The following DNAH6 variants were observed in gnomAD, a reference collection of about 807,000 sequenced individuals.
DNAH6 encodes the protein axonemal beta dynein heavy chain 6.
In DNAH6, 340 loss-of-function variants were observed where a neutral mutation model predicts 491.4. The ratio of observed to expected loss-of-function variants is 0.69; its 90% CI spans 0.63 to 0.76. The LOEUF (loss-of-function observed/expected upper bound fraction) is 0.76. Ranked by LOEUF, DNAH6 falls within the 30% of genes least tolerant of loss-of-function variation. The probability of loss-of-function intolerance (pLI) is 0.00; values close to 1 mark genes in which losing one functional copy is unlikely to be tolerated. For synonymous variants in DNAH6, 1,603 were observed against 1,686.1 expected, an observed-to-expected ratio of 0.95 and a Z score of 1.21; for missense variants, 4,443 against 4,972.2, an observed-to-expected ratio of 0.89 and a Z score of 3.20.
intron 2 of DNAH6, among the ~76,000 whole-genome samples, chr2:84,519,722 C>A (rs1170431993): frequency 1.3e-5 from 2 of 150,790 alleles, no homozygotes; most frequent in African/African-American, 2.4e-5. Context: ...TACTCTTCTT[C>A]TTTTACATTT....
chr2:84,503,706 A>G, the DNAH6 span, among the ~76,000 whole-genome samples: 2 of 149,780 alleles, frequency 1.3e-5, no homozygotes, highest in African/African-American at 2.5e-5. Context: ...TTTCTTCAAC[A>G]CTTTAAATGT....
chr2:84,609,045 C>A (rs1686051695), intron 21 of DNAH6, among the ~76,000 whole-genome samples: 1 of 152,186 alleles, frequency 6.6e-6, no homozygotes, highest in African/African-American at 2.4e-5. Flanking sequence ...CCTCTGCTAC[C>A]TTCAAACTTT....
intron 68 of DNAH6, among the ~76,000 whole-genome samples, chr2:84,791,028 A>G (rs1677681486): frequency 6.6e-6 from 1 of 152,042 alleles, no homozygotes. Flanking sequence ...TGTCTCTACT[A>G]AAAATACAAA....
intron 4 of DNAH6, among the ~76,000 whole-genome samples, chr2:84,536,813 C>A (rs1299962456): frequency 4.6e-5 from 7 of 151,962 alleles, no homozygotes; most frequent in Admixed American, 6.6e-5. Context: ...CATGATGTAG[C>A]TACTTCAAAA....
At chr2:84,511,123 C>T in the DNAH6 span, among the ~76,000 whole-genome samples, 1 of 152,226 alleles carries the variant, frequency 6.6e-6, no homozygotes, top group African/African-American at 2.4e-5. Flanking sequence ...ACATTTAAGT[C>T]TGCAGAGGAT....
chr2:84,755,897 G>A (rs1444467215), intron 63 of DNAH6, among the ~76,000 whole-genome samples: 2 of 152,092 alleles, frequency 1.3e-5, no homozygotes. Flanking sequence ...AATCTTTCCC[G>A]TGCTGTTCTC....
chr2:84,495,321 C>T, the DNAH6 span, among the ~76,000 whole-genome samples: 1 of 152,304 alleles, frequency 6.6e-6, no homozygotes, highest in South Asian at 2.1e-4. Context: ...CACCACCATG[C>T]CCTGCTAATT....
chr2:84,796,495 C>T, intron 69 of DNAH6, 70 bp downstream of exon 69: 1 of 1,313,466 alleles, frequency 7.6e-7, no homozygotes, highest in Non-Finnish European at 1.0e-6. Context: ...CTCAGTTTCC[C>T]ACCCAGGGGC....
chr2:84,671,875 A>C (rs1300946840), intron 39 of DNAH6, among the ~76,000 whole-genome samples: 1 of 152,226 alleles, frequency 6.6e-6, no homozygotes, highest in Non-Finnish European at 1.5e-5. Flanking sequence ...TGATGTGATC[A>C]GGATGCTTTT....
In DNAH6 at chr2:84,706,943, A is replaced by G; in HGVS notation, c.8775A>G (p.Leu2925=). The change falls in exon 53 of 77, where the codon TTA becomes TTG. Residue 2925 remains leucine, a synonymous_variant. Coordinates refer to ENST00000389394, the MANE Select transcript of DNAH6 (RefSeq NM_001370.2). ...CTACCCTGAGAGAAAAGCAAGCATT[A>G]CTAAGACAAGTAGAAGATCAAATAC... is the stretch of plus-strand genomic sequence containing the variant. ...TMATLREKQA[L]LRQVEDQIQA... 6.5e-7 allele frequency: 1 copy of G among 1,544,852 alleles called. No homozygotes were observed. Among genetic ancestry groups the G allele is most frequent in the Non-Finnish European group, 8.7e-7 (1 of 1,145,774 alleles).
intron 11 of DNAH6, among the ~76,000 whole-genome samples, chr2:84,567,624 T>C (rs1304235067): frequency 6.6e-6 from 1 of 152,166 alleles, no homozygotes; most frequent in African/African-American, 2.4e-5. Flanking sequence ...GACCCCTTCC[T>C]TACACCTTAT....
rs879042411 is a variant in DNAH6 at position 84,745,135 on chromosome 2, A to G, written c.10398A>G (p.Lys3466=). Residue 3466 remains lysine (K), a synonymous_variant, in exon 63 of 77, where the codon AAA becomes AAG. Coordinates refer to ENST00000389394, the MANE Select transcript of DNAH6 (RefSeq NM_001370.2). ...AATGGGAAGGCTATTCTAAAATGAA[A>G]CACGAAGATAAACACATGAGACAGG... is the stretch of plus-strand genomic sequence containing the variant. ...PQKWEGYSKM[K]HEDKHMRQEK... 1 of 1,547,420 alleles carries G rather than the reference A, an allele frequency of 6.5e-7. No individual in the cohort carries two copies. Among genetic ancestry groups the G allele is most frequent in the South Asian group, 1.2e-5 (1 of 83,262 alleles).
At chr2:84,460,561 G>A in the DNAH6 span, among the ~76,000 whole-genome samples, 2 of 152,190 alleles carry the variant, frequency 1.3e-5, no homozygotes, top group Non-Finnish European at 2.9e-5. Context: ...ATGAAAATTT[G>A]TATTTCCATG....
chr2:84,493,265 C>T, the DNAH6 span, among the ~76,000 whole-genome samples: 1 of 151,904 alleles, frequency 6.6e-6, no homozygotes, highest in Non-Finnish European at 1.5e-5. Context: ...AGACTATATA[C>T]CATATGTATA....
chr2:84,688,851 G>C (rs1439563457), intron 45 of DNAH6, among the ~76,000 whole-genome samples: 6 of 152,118 alleles, frequency 3.9e-5, no homozygotes, highest in African/African-American at 1.4e-4. Context: ...GTTCTGTCTT[G>C]TTACAAAAAG....
chr2:84,525,539 T>C, intron 2 of DNAH6, 26 bp from the exon 3 acceptor site: 1 of 1,523,770 alleles, frequency 6.6e-7, no homozygotes, highest in Non-Finnish European at 8.8e-7. Context: ...TTAATAAAAA[T>C]TAACATGTCT....
intron 31 of DNAH6, among the ~76,000 whole-genome samples, chr2:84,639,835 A>G (rs1388332116): frequency 6.6e-6 from 1 of 152,206 alleles, no homozygotes; most frequent in Non-Finnish European, 1.5e-5. Flanking sequence ...TAAATTCTGC[A>G]TCTGAGGCCA....
intron 59 of DNAH6, 138 bp downstream of exon 59, chr2:84,718,522 T>C: frequency 1.7e-6 from 1 of 594,008 alleles, no homozygotes; most frequent in Non-Finnish European, 2.6e-6. Context: ...GACGGGTGCC[T>C]GCCTGTCAGG....
intron 42 of DNAH6, among the ~76,000 whole-genome samples, chr2:84,683,427 T>TTTA (rs1553465692): frequency 1.4e-5 from 2 of 146,898 alleles, no homozygotes; most frequent in African/African-American, 2.5e-5. Context: ...TTTTTTTTTT[T>TTTA]TTTTTTTTTT....
Sources: gnomAD v4.1 joint callset for allele counts (sites outside exome capture counted in the v4.1 genomes callset) on GRCh38, gnomAD v4.1.1 for gene constraint, MANE v1.5 for transcripts, NCBI Gene and HGNC (gene_info 2026-07-23, HGNC 2026-07-21) for gene names.